ABHD2: variants seen among roughly 807,000 people sequenced by gnomAD.
ABHD2 encodes the protein abhydrolase domain containing 2, acylglycerol lipase.
A neutral mutation model predicts 48.1 loss-of-function variants in ABHD2; 20 were observed. The observed-to-expected ratio is 0.42, with a 90% CI of 0.29 to 0.60. The LOEUF (loss-of-function observed/expected upper bound fraction) is 0.60. Among genes scored for constraint, ABHD2 ranks in the 20% least tolerant of loss-of-function variants. The pLI, the probability that ABHD2 is intolerant of heterozygous loss-of-function variation, is 0.24. For missense variants in ABHD2, 405 were observed against 550.9 expected, an observed-to-expected ratio of 0.74 and a Z score of 2.65; for synonymous variants, 209 against 214.2, an observed-to-expected ratio of 0.98 and a Z score of 0.21.
At position 89,173,090 on chromosome 15, in the gene ABHD2, A is replaced by C. The variant is rs1158741010; in HGVS notation, c.539-2722A>C. 1.3e-5 allele frequency among the ~76,000 whole-genome samples: 2 copies of C among 152,182 alleles called. No homozygotes were observed. The highest frequency in any genetic ancestry group is 4.8e-5 in the African/African-American group (2 of 41,442). On this transcript the variant is annotated intron_variant, in intron 5 of 10. Coordinates refer to ENST00000352732, the MANE Select transcript of ABHD2 (RefSeq NM_152924.5). This position sits in a 1 kb window ranked among gnomAD's most constrained non-coding sequence, Gnocchi z 6.5. ...TTCAGTGCCTGTTATGGCCCAAGGG[A>C]GGTGAACAAATGTCTCCTTTGGGAT...
At chr15:89,081,638 A>G in the ABHD2 span, among the ~76,000 whole-genome samples, 6,861 of 152,210 alleles carry the variant, frequency 0.045, 508 homozygotes, top group African/African-American at 0.16. Flanking sequence ...AGGCCGAGGC[A>G]GGGGAATCAC....
chr15:89,169,719 A>G (rs964296326), intron 5 of ABHD2, among the ~76,000 whole-genome samples: 1 of 152,196 alleles, frequency 6.6e-6, no homozygotes, highest in Non-Finnish European at 1.5e-5. Context: ...TGTCTTTAGC[A>G]TTGTCGAAAC....
At position 89,114,359 on chromosome 15, in the gene ABHD2, A is replaced by C. The variant is rs2049922615; in HGVS notation, c.-7+535A>C. ...GGGGGTTCTTAGACCGCAGGATCCC[A>C]CAGGGAACCCACAGACCCCAAGTTA... On this transcript the variant is annotated intron_variant, in intron 2 of 10. Coordinates refer to ENST00000352732, the MANE Select transcript of ABHD2 (RefSeq NM_152924.5). The surrounding 1 kb of genome is among the most constrained non-coding windows in gnomAD (Gnocchi z 4.2). Among the ~76,000 whole-genome samples, 1 of 152,206 alleles carries C rather than the reference A, an allele frequency of 6.6e-6. No homozygotes were observed. Among genetic ancestry groups the C allele is most frequent in the South Asian group, 2.1e-4 (1 of 4,832 alleles).
At position 89,177,389 on chromosome 15, in the gene ABHD2, C is replaced by G. The variant is rs1383985836; in HGVS notation, c.722+1394C>G. 6.6e-6 allele frequency among the ~76,000 whole-genome samples: 1 copy of G among 152,204 alleles called. No homozygotes were observed. The highest frequency in any genetic ancestry group is 1.5e-5 in the Non-Finnish European group (1 of 68,038). ...AAAGACCGGTCCAGTGAACTAGTGA[C>G]TGCCTCACTTCATAAGGAATCACTT... On this transcript the variant is annotated intron_variant, in intron 6 of 10. Coordinates refer to ENST00000352732, the MANE Select transcript of ABHD2 (RefSeq NM_152924.5). The surrounding 1 kb of genome is among the most constrained non-coding windows in gnomAD (Gnocchi z 5.6).
In ABHD2 at chr15:89,170,080, C is replaced by CTTTTTTTT. The variant is rs748983183; in HGVS notation, c.539-5706_539-5699dup. On this transcript the variant is annotated intron_variant, in intron 5 of 10. Transcript: ENST00000352732. The stretch of plus-strand genomic sequence containing the variant: ...GAGCCATTCCATGTCAGATCAGATT[C>CTTTTTTTT]TTTTTTTTTTTTTTTTTTTTTTTTT... Among the ~76,000 whole-genome samples, 283 of 37,504 alleles carry CTTTTTTTT rather than the reference C, an allele frequency of 7.5e-3. 88 individuals are homozygous for CTTTTTTTT. Among genetic ancestry groups the CTTTTTTTT allele is most frequent in the Middle Eastern group, 0.1 (2 of 20 alleles). The allele number at this position is 37,504 out of a possible 152,430, so 24.6% of individuals were successfully genotyped here.
At position 89,196,399 on chromosome 15, in the gene ABHD2, T is replaced by C. The variant is rs965675409; in HGVS notation, c.*976T>C. 6.6e-6 allele frequency: 1 copy of C among 152,192 alleles called. No homozygotes were observed. Among genetic ancestry groups the C allele is most frequent in the African/African-American group, 2.4e-5 (1 of 41,454 alleles). The allele number at this position is 152,192 out of a possible 1,614,324, so 9.4% of individuals were successfully genotyped here. A position where few individuals can be genotyped will look rare whatever the true frequency, so the allele number is the denominator to read the frequency against. On this transcript the variant is annotated 3_prime_UTR_variant, in exon 11 of 11. Coordinates refer to ENST00000352732, the MANE Select transcript of ABHD2 (RefSeq NM_152924.5). ...TGGACAAAGTCGCTGTGGACTTCAA[T>C]TTCTTCACCTCTAAAATGGGGGACT... is the stretch of plus-strand genomic sequence containing the variant.
At chr15:89,045,535 T>G in the ABHD2 span, among the ~76,000 whole-genome samples, 1 of 152,260 alleles carries the variant, frequency 6.6e-6, no homozygotes, top group Non-Finnish European at 1.5e-5. Context: ...CTCATGAGCA[T>G]GGAGTGTTCT....
Position 89,182,158 on chromosome 15 carries a change from C to T in ABHD2, c.723-3266C>T, listed in dbSNP as rs1471118618. 6.6e-6 allele frequency among the ~76,000 whole-genome samples: 1 copy of T among 152,212 alleles called. No homozygotes were observed. The highest frequency in any genetic ancestry group is 1.5e-5 in the Non-Finnish European group (1 of 68,034). On this transcript the variant is annotated intron_variant, in intron 6 of 10. Transcript: ENST00000352732. The surrounding 1 kb of genome is among the most constrained non-coding windows in gnomAD (Gnocchi z 4.8). The stretch of plus-strand genomic sequence containing the variant: ...AAAAAAGACTCCCAGTGAAACTATA[C>T]TGGGTTTGGGGGTTAATTTTCTCTT...
chr15:89,192,351 G>A (rs875391), intron 9 of ABHD2, among the ~76,000 whole-genome samples: 71,460 of 151,946 alleles, frequency 0.47, 17,105 homozygotes, highest in Non-Finnish European at 0.49. Flanking sequence ...TGGCTGTTCA[G>A]TGACATCTGA....
In ABHD2 at chr15:89,175,332, C is replaced by T. The variant is rs1477878759; in HGVS notation, c.539-480C>T. Among the ~76,000 whole-genome samples, 2 of 152,176 alleles carry T rather than the reference C, an allele frequency of 1.3e-5. No individual in the cohort carries two copies. The highest frequency in any genetic ancestry group is 4.1e-4 in the South Asian group (2 of 4,838). On this transcript the variant is annotated intron_variant, in intron 5 of 10. Coordinates refer to ENST00000352732, the MANE Select transcript of ABHD2 (RefSeq NM_152924.5). The surrounding 1 kb of genome is among the most constrained non-coding windows in gnomAD (Gnocchi z 5.7). ...CTCTGCCTCCCCGGCTCAAGGGATCCTCTTGCCTCAGCCTCCTAAGTAGCG... is the reference window on the plus strand; with the variant it reads ...CTCTGCCTCCCCGGCTCAAGGGATCTTCTTGCCTCAGCCTCCTAAGTAGCG...
chr15:89,123,425 T>G (rs1161783509), intron 3 of ABHD2, among the ~76,000 whole-genome samples: 1 of 152,224 alleles, frequency 6.6e-6, no homozygotes, highest in Non-Finnish European at 1.5e-5. Context: ...AGTGAGCATT[T>G]GAGGATCTAC....
Position 89,188,330 on chromosome 15 carries a change from C to A in ABHD2, c.926+27C>A. 1 of 1,604,288 alleles carries A rather than the reference C, an allele frequency of 6.2e-7. No individual in the cohort carries two copies. The highest frequency in any genetic ancestry group is 8.5e-7 in the Non-Finnish European group (1 of 1,171,780). On this transcript the variant is annotated intron_variant, in intron 8 of 10. Coordinates refer to ENST00000352732, the MANE Select transcript of ABHD2 (RefSeq NM_152924.5). The surrounding 1 kb of genome is among the most constrained non-coding windows in gnomAD (Gnocchi z 4.1). ...TGTGTCCGCGCAGGCGGGAGAGGGA[C>A]GCTCTGGGGCAGGGTGCCAGGCAGG...
rs2049574215 is a variant in ABHD2 at position 89,094,191 on chromosome 15, C to T, written c.-107+5628C>T. 6.6e-6 allele frequency: 1 copy of T among 152,132 alleles called. No individual in the cohort carries two copies. The highest frequency in any genetic ancestry group is 1.5e-5 in the Non-Finnish European group (1 of 68,034). The allele number at this position is 152,132 out of a possible 1,614,324, so 9.4% of individuals were successfully genotyped here. ...CCAGGCTAGAGTGCAGTGGCCCGAT[C>T]TCGGTGCACTGCAACCTCTGCTTCC... On this transcript the variant is annotated intron_variant, in intron 1 of 10. Coordinates refer to ENST00000352732, the MANE Select transcript of ABHD2 (RefSeq NM_152924.5). This position sits in a 1 kb window ranked among gnomAD's most constrained non-coding sequence, Gnocchi z 4.7.
the ABHD2 span, among the ~76,000 whole-genome samples, chr15:89,062,086 C>A: frequency 3.3e-3 from 505 of 152,130 alleles, 7 homozygotes; most frequent in African/African-American, 0.012. Context: ...ACGGCTACCA[C>A]CAAAGCCTGA....
chr15:89,147,611 C>T (rs2050516525), intron 3 of ABHD2, among the ~76,000 whole-genome samples: 1 of 151,288 alleles, frequency 6.6e-6, no homozygotes, highest in African/African-American at 2.4e-5. Flanking sequence ...CCTCGGCCTC[C>T]CAAAGTGCTG....
intron 5 of ABHD2, among the ~76,000 whole-genome samples, chr15:89,161,996 G>A (rs2050769683): frequency 6.6e-6 from 1 of 152,170 alleles, no homozygotes; most frequent in African/African-American, 2.4e-5. Flanking sequence ...AGTCACCTGT[G>A]TCTCTGGTAT....
rs1344385745 is a variant in ABHD2, at chr15:89,201,251, G to T, written c.*5828G>T. On this transcript the variant is annotated 3_prime_UTR_variant, in exon 11 of 11. Transcript: ENST00000352732. ...ATCTCTCAGGTGTTGATTTGCTTCT[G>T]ATAGCTTCATCATTTCTCCCTGAAG... is the stretch of plus-strand genomic sequence containing the variant. The T allele has an allele frequency of 4.0e-6, 5 of 1,248,730 alleles. No homozygotes were observed. Among genetic ancestry groups the T allele is most frequent in the Non-Finnish European group, 5.8e-6 (5 of 864,802 alleles). 77.4% of individuals were successfully genotyped at this position (1,248,730 alleles called of 1,614,324 possible).
intron 3 of ABHD2, among the ~76,000 whole-genome samples, chr15:89,124,501 T>C (rs1421757166): frequency 6.6e-6 from 1 of 152,240 alleles, no homozygotes; most frequent in East Asian, 1.9e-4. Flanking sequence ...TTCATTATCT[T>C]TGACTTAAAT....
At chr15:89,191,902 C>T (rs1027671781) in intron 9 of ABHD2, among the ~76,000 whole-genome samples, 3 of 148,674 alleles carry the variant, frequency 2.0e-5, no homozygotes, top group African/African-American at 7.5e-5. Flanking sequence ...GCTGGGATTA[C>T]AGGCGTGAGA....
Sources: gnomAD v4.1 joint callset for allele counts (sites outside exome capture counted in the v4.1 genomes callset) on GRCh38, gnomAD v4.1.1 for gene constraint, Gnocchi (gnomAD v3.1) non-coding constraint, MANE v1.5 for transcripts, NCBI Gene and HGNC (gene_info 2026-07-23, HGNC 2026-07-21) for gene names.